Variants in DSCC1 observed in about 807,000 individuals in gnomAD.
DSCC1 encodes DNA replication and sister chromatid cohesion 1.
DSCC1 carries 32 observed loss-of-function variants against 48.2 expected under a neutral mutation model. The observed-to-expected ratio is 0.66, with a 90% CI of 0.50 to 0.89. The LOEUF is 0.89. Ranked by LOEUF, DSCC1 falls within the 40% of genes least tolerant of loss-of-function variation. The pLI, the probability that DSCC1 is intolerant of heterozygous loss-of-function variation, is 0.00. For synonymous variants in DSCC1, 150 were observed against 171.5 expected, an observed-to-expected ratio of 0.87 and a Z score of 0.98; for missense variants, 421 against 471.7, an observed-to-expected ratio of 0.89 and a Z score of 1.00.
At chr8:119,843,307 C>T (rs1177216117) in intron 5 of DSCC1, among the ~76,000 whole-genome samples, 1 of 151,968 alleles carries the variant, frequency 6.6e-6, no homozygotes, top group Non-Finnish European at 1.5e-5. Flanking sequence ...CCAGGACAGT[C>T]TTGATCTCCT....
At chr8:119,849,976 C>G (rs1364277615) in intron 3 of DSCC1, among the ~76,000 whole-genome samples, 3 of 152,134 alleles carry the variant, frequency 2.0e-5, no homozygotes, top group African/African-American at 7.2e-5. Context: ...TCCATTATGT[C>G]CCCTCTCAAG....
intron 7 of DSCC1, chr8:119,839,797 C>T (rs1035466446): frequency 3.3e-5 from 5 of 152,272 alleles, no homozygotes; most frequent in Non-Finnish European, 7.3e-5. Context: ...CACCTTTGAC[C>T]GTGCTCTCCT....
chr8:119,841,412 A>C (rs1376394677), intron 7 of DSCC1, among the ~76,000 whole-genome samples: 1 of 152,120 alleles, frequency 6.6e-6, no homozygotes, highest in Non-Finnish European at 1.5e-5. Context: ...GCAGAAAATC[A>C]AGGTAGTTTG....
chr8:119,838,269 G>C lies in DSCC1; in HGVS notation c.1063C>G (p.Pro355Ala). 1 of 1,588,538 alleles carries C rather than the reference G, an allele frequency of 6.3e-7. No individual in the cohort carries two copies. Among genetic ancestry groups the C allele is most frequent in the Admixed American group, 1.8e-5 (1 of 54,206 alleles). The change falls in exon 8 of 9, where the codon CCA becomes GCA. Residue 355 changes from proline to alanine, a missense_variant. Physicochemically the swap from Pro to Ala is conservative, Grantham distance 27. This residue lies in a region of DSCC1 where 238 missense variants were observed against 259.0 expected (regional missense o/e 0.92). Coordinates refer to ENST00000313655, the MANE Select transcript of DSCC1 (RefSeq NM_024094.3). ...TAATAAATTACTTACTGAATATATG[G>C]AGCAATATCTTCTTCTGTCCACTTC... is the stretch of plus-strand genomic sequence containing the variant. ...REKWTEEDIA[P>A]YIQDLCGEKQ...
chr8:119,835,149 A>G (rs368419238), intron 8 of DSCC1, 148 bp from the exon 9 acceptor site: 17 of 573,486 alleles, frequency 3.0e-5, no homozygotes, highest in African/African-American at 1.6e-4. Context: ...TAGGGTGGGG[A>G]GTGGTTCTAA....
chr8:119,842,993 T>C (rs1826795605), intron 5 of DSCC1, among the ~76,000 whole-genome samples, 165 bp from the exon 6 acceptor site: 2 of 152,228 alleles, frequency 1.3e-5, no homozygotes. Flanking sequence ...AAGTAAAATA[T>C]ACTGGGAAGC....
chr8:119,855,654 G>A lies in DSCC1; in HGVS notation c.142C>T (p.Leu48=). 6.5e-7 allele frequency: 1 copy of A among 1,547,652 alleles called. No individual in the cohort carries two copies. Among genetic ancestry groups the A allele is most frequent in the Non-Finnish European group, 8.7e-7 (1 of 1,146,754 alleles). Residue 48 remains leucine (L), a synonymous_variant, in exon 1 of 9, where the codon CTG becomes TTG. Coordinates refer to ENST00000313655, the MANE Select transcript of DSCC1 (RefSeq NM_024094.3). ...AAAGDFCLLE[L]EPTLCQQLED... is the part of the protein sequence containing the mutation. ...AGCTGCTGGCACAGCGTGGGCTCCA[G>A]CTCCAGCAGGCAGAAGTCGCCGGCT...
At chr8:119,838,493 T>G in intron 7 of DSCC1, 86 bp from the exon 8 acceptor site, 1 of 1,384,892 alleles carries the variant, frequency 7.2e-7, no homozygotes, top group Non-Finnish European at 9.5e-7. Context: ...AGGTTTAGCT[T>G]AGCTCAAGAT....
In DSCC1 at chr8:119,850,367, G is replaced by GA; in HGVS notation, c.486+14dup. On this transcript the variant is annotated intron_variant, in intron 3 of 8. Transcript: ENST00000313655. ...GTTGTTAAATTCCAAATAAAAAAGT[G>GA]AAAATAAGTCTTACTTTTGAGCTAT... 1 of 1,548,562 alleles carries GA rather than the reference G, an allele frequency of 6.5e-7. No homozygotes were observed. The highest frequency in any genetic ancestry group is 8.6e-7 in the Non-Finnish European group (1 of 1,156,790).
intron 3 of DSCC1, among the ~76,000 whole-genome samples, chr8:119,847,829 C>A (rs1826881108): frequency 6.6e-6 from 1 of 152,016 alleles, no homozygotes; most frequent in Non-Finnish European, 1.5e-5. Flanking sequence ...CCACACCTGG[C>A]AAATTTTGAA....
In DSCC1 at chr8:119,855,810, T is replaced by G. The variant is rs777231767; in HGVS notation, c.-15A>C. ...GTCCTCTTCATCGCAGCGCCGGGTC[T>G]AGGAGTCCCGCCGCGCCCGGGTGGC... On this transcript the variant is annotated 5_prime_UTR_variant, in exon 1 of 9. Transcript: ENST00000313655. 2.1e-6 allele frequency: 3 copies of G among 1,457,314 alleles called. No individual in the cohort carries two copies. The highest frequency in any genetic ancestry group is 2.7e-6 in the Non-Finnish European group (3 of 1,105,510). The allele number at this position is 1,457,314 out of a possible 1,614,324, so 90.3% of individuals were successfully genotyped here. A position where few individuals can be genotyped will look rare whatever the true frequency, so the allele number is the denominator to read the frequency against.
At chr8:119,853,238 T>G in intron 1 of DSCC1, 23 bp from the exon 2 acceptor site, 1 of 1,590,482 alleles carries the variant, frequency 6.3e-7, no homozygotes, top group South Asian at 1.1e-5. Context: ...GGGGGAAAAA[T>G]ATATAGTTTA....
rs749781678 is a variant in DSCC1 at position 119,855,804 on chromosome 8, C to T, written c.-9G>A. Reference sequence around the variant, plus strand: ...TCGCGGGTCCTCTTCATCGCAGCGCCGGGTCTAGGAGTCCCGCCGCGCCCG... The same window carrying T: ...TCGCGGGTCCTCTTCATCGCAGCGCTGGGTCTAGGAGTCCCGCCGCGCCCG... On this transcript the variant is annotated 5_prime_UTR_variant, in exon 1 of 9. Coordinates refer to ENST00000313655, the MANE Select transcript of DSCC1 (RefSeq NM_024094.3). 2 of 1,510,184 alleles carry T rather than the reference C, an allele frequency of 1.3e-6. No homozygotes were observed. Among genetic ancestry groups the T allele is most frequent in the African/African-American group, 2.9e-5 (2 of 69,762 alleles). The allele number at this position is 1,510,184 out of a possible 1,614,324, so 93.5% of individuals were successfully genotyped here.
chr8:119,845,660 G>A (rs2131302903), intron 4 of DSCC1, among the ~76,000 whole-genome samples: 1 of 142,154 alleles, frequency 7.0e-6, no homozygotes, highest in East Asian at 2.0e-4. Context: ...AAAAAAAAAA[G>A]CTTTAGGGCT....
Position 119,850,364 on chromosome 8 carries a change from A to C in DSCC1, c.486+18T>G. Reference sequence around the variant, plus strand: ...ATAGTTGTTAAATTCCAAATAAAAAAGTGAAAATAAGTCTTACTTTTGAGC... The same window carrying C: ...ATAGTTGTTAAATTCCAAATAAAAACGTGAAAATAAGTCTTACTTTTGAGC... On this transcript the variant is annotated intron_variant, in intron 3 of 8. Coordinates refer to ENST00000313655, the MANE Select transcript of DSCC1 (RefSeq NM_024094.3). 2.6e-6 allele frequency: 4 copies of C among 1,549,094 alleles called. No individual in the cohort carries two copies. Among genetic ancestry groups the C allele is most frequent in the Non-Finnish European group, 3.5e-6 (4 of 1,156,978 alleles).
chr8:119,842,856 A>C (rs1276880898), intron 5 of DSCC1, 28 bp from the exon 6 acceptor site: 1 of 1,580,544 alleles, frequency 6.3e-7, no homozygotes, highest in Non-Finnish European at 8.6e-7. Flanking sequence ...CCCACTTGAA[A>C]AGTTATAAGC....
At chr8:119,844,380 A>G (rs926491516) in intron 4 of DSCC1, among the ~76,000 whole-genome samples, 2 of 148,758 alleles carry the variant, frequency 1.3e-5, no homozygotes, top group Admixed American at 6.8e-5. Context: ...CCGAGGTTGT[A>G]GTGAGCCAAG....
intron 4 of DSCC1, among the ~76,000 whole-genome samples, chr8:119,846,559 A>C (rs1563945522): frequency 6.6e-6 from 1 of 152,186 alleles, no homozygotes; most frequent in Non-Finnish European, 1.5e-5. Flanking sequence ...GACAAATATC[A>C]CCATCTTTTC....
intron 8 of DSCC1, among the ~76,000 whole-genome samples, chr8:119,837,457 A>G (rs1826702784): frequency 6.6e-6 from 1 of 152,168 alleles, no homozygotes; most frequent in Non-Finnish European, 1.5e-5. Flanking sequence ...CATAAAAGGA[A>G]AGAGAGGGTA....
Sources: gnomAD v4.1 joint callset for allele counts (sites outside exome capture counted in the v4.1 genomes callset) on GRCh38, gnomAD v4.1.1 for gene constraint, gnomAD v4.1.1 regional missense constraint, MANE v1.5 for transcripts, NCBI Gene and HGNC (gene_info 2026-07-23, HGNC 2026-07-21) for gene names.